DOCK1: variants seen among roughly 807,000 people sequenced by gnomAD.
The protein encoded by DOCK1 is dedicator of cytokinesis protein 1.
Under a neutral mutation model 262.7 loss-of-function variants are expected in DOCK1, and 138 were observed. That is an observed-to-expected ratio of 0.53 (90% CI 0.46 to 0.61). The LOEUF is 0.61. DOCK1 is among the 20% of genes least tolerant of loss of function. The probability of loss-of-function intolerance (pLI) is 0.00; values close to 1 mark genes in which losing one functional copy is unlikely to be tolerated. For synonymous variants in DOCK1, 866 were observed against 867.4 expected, an observed-to-expected ratio of 1.00 and a Z score of 0.03; for missense variants, 1,908 against 2,370.7, an observed-to-expected ratio of 0.80 and a Z score of 4.05.
At chr10:127,435,434 C>T (rs996921525) in intron 48 of DOCK1, among the ~76,000 whole-genome samples, 61 of 152,262 alleles carry the variant, frequency 4.0e-4, no homozygotes, top group Middle Eastern at 3.4e-3. Context: ...AAACTATCCC[C>T]ATATTTTTTC....
rs1411426230 is a variant in DOCK1, at chr10:127,112,240, G to A, written c.2623+1886G>A. Among the ~76,000 whole-genome samples the A allele has an allele frequency of 2.6e-5, 4 of 152,062 alleles. No homozygotes were observed. In the East Asian group the frequency reaches 5.8e-4, roughly 22 times the overall value. ...TTGGTCAGGCTGGTCTCAAACTACC[G>A]ACCTCAAATGATCCACCCGCCTCGG... On this transcript the variant is annotated intron_variant, in intron 25 of 51. Coordinates refer to ENST00000623213, the MANE Select transcript of DOCK1 (RefSeq NM_001290223.2).
chr10:127,069,876 A>G (rs184747562), intron 23 of DOCK1, among the ~76,000 whole-genome samples: 99 of 152,318 alleles, frequency 6.5e-4, no homozygotes, highest in African/African-American at 2.2e-3. Flanking sequence ...ACAAAATACT[A>G]CAAACTTGGT....
intron 23 of DOCK1, among the ~76,000 whole-genome samples, chr10:127,072,046 G>A (rs904443580): frequency 2.6e-5 from 4 of 152,182 alleles, no homozygotes; most frequent in Admixed American, 6.5e-5. Flanking sequence ...CTTGTTCAGA[G>A]ATCTCTCTTG....
chr10:127,202,020 A>G (rs2057483400), intron 27 of DOCK1, among the ~76,000 whole-genome samples: 1 of 151,994 alleles, frequency 6.6e-6, no homozygotes, highest in Non-Finnish European at 1.5e-5. Context: ...GACACTTCTG[A>G]TCAGAACTAG....
intron 47 of DOCK1, 102 bp downstream of exon 47, chr10:127,426,113 A>G (rs1300878145): frequency 1.9e-6 from 3 of 1,550,080 alleles, no homozygotes; most frequent in Non-Finnish European, 2.6e-6. Flanking sequence ...ACATGTACAC[A>G]TGGTGCCCGC....
chr10:127,349,720 T>TC (rs779971934), intron 31 of DOCK1, among the ~76,000 whole-genome samples: 156 of 152,288 alleles, frequency 1.0e-3, no homozygotes, highest in Non-Finnish European at 1.9e-3. Context: ...TTCTGGAGGT[T>TC]CTGAGGGAGA....
intron 32 of DOCK1, among the ~76,000 whole-genome samples, chr10:127,360,084 G>A (rs1219337258): frequency 6.6e-6 from 1 of 152,198 alleles, no homozygotes; most frequent in East Asian, 1.9e-4. Flanking sequence ...GATAGGACCT[G>A]CCTCTGAGTT....
At chr10:127,418,299 T>G in intron 44 of DOCK1, 66 bp from the exon 45 acceptor site, 1 of 1,474,910 alleles carries the variant, frequency 6.8e-7, no homozygotes, top group Non-Finnish European at 9.1e-7. Context: ...ACGTGGCTCC[T>G]CTGGTGAGAC....
intron 16 of DOCK1, among the ~76,000 whole-genome samples, chr10:127,026,984 G>A (rs962236446): frequency 6.6e-6 from 1 of 152,216 alleles, no homozygotes; most frequent in African/African-American, 2.4e-5. Flanking sequence ...TAAATTAATT[G>A]TCAACTAAAG....
At position 126,912,533 on chromosome 10, in the gene DOCK1, C is replaced by T. The variant is rs111843404; in HGVS notation, c.46+6970C>T. Among the ~76,000 whole-genome samples, 238 of 150,716 alleles carry T rather than the reference C, an allele frequency of 1.6e-3. 1 individual carries two copies. Among genetic ancestry groups the T allele is most frequent in the Admixed American group, 2.0e-3 (30 of 15,106 alleles). On this transcript the variant is annotated intron_variant, in intron 1 of 51. Coordinates refer to ENST00000623213, the MANE Select transcript of DOCK1 (RefSeq NM_001290223.2). ...CGAGGTCAGTAGATCGAGACCCTCCCGGCTAACACGGTGAAACCCTGTCTC... is the reference window on the plus strand; with the variant it reads ...CGAGGTCAGTAGATCGAGACCCTCCTGGCTAACACGGTGAAACCCTGTCTC...
At chr10:127,345,452 C>T (rs1384142516) in intron 31 of DOCK1, among the ~76,000 whole-genome samples, 1 of 152,200 alleles carries the variant, frequency 6.6e-6, no homozygotes, top group Non-Finnish European at 1.5e-5. Flanking sequence ...TTCACCTGGG[C>T]TGCTTTTAGA....
intron 29 of DOCK1, among the ~76,000 whole-genome samples, chr10:127,302,886 G>A (rs1226328574): frequency 6.6e-6 from 1 of 151,994 alleles, no homozygotes; most frequent in Admixed American, 6.6e-5. Flanking sequence ...CAATGAAAAT[G>A]CAGGTGCATG....
At chr10:126,906,098 G>T (rs987120050) in intron 1 of DOCK1, among the ~76,000 whole-genome samples, 1 of 152,136 alleles carries the variant, frequency 6.6e-6, no homozygotes, top group Non-Finnish European at 1.5e-5. Flanking sequence ...GGTGGCCAGC[G>T]CCCCTTGCCC....
intron 27 of DOCK1, among the ~76,000 whole-genome samples, chr10:127,236,905 A>G (rs1167988033): frequency 6.6e-6 from 1 of 152,180 alleles, no homozygotes; most frequent in Non-Finnish European, 1.5e-5. Context: ...TTTACAGATG[A>G]GGAAAACGAG....
At chr10:127,074,297 TCAGGAACTTGCC>T (rs1240999076) in intron 23 of DOCK1, among the ~76,000 whole-genome samples, 1 of 152,198 alleles carries the variant, frequency 6.6e-6, no homozygotes, top group Non-Finnish European at 1.5e-5. Flanking sequence ...TTAGTTTTTT[TCAGGAACTTGCC>T]CAGGAACAGA....
chr10:127,316,939 G>A (rs947556998), intron 29 of DOCK1, among the ~76,000 whole-genome samples: 4 of 151,780 alleles, frequency 2.6e-5, no homozygotes, highest in African/African-American at 9.7e-5. Context: ...GAACATAAAC[G>A]TTCCCCTCAG....
intron 47 of DOCK1, among the ~76,000 whole-genome samples, chr10:127,428,955 CTGTGTGGATT>C (rs1293919659): frequency 1.4e-4 from 17 of 124,716 alleles, no homozygotes; most frequent in East Asian, 2.5e-4. Flanking sequence ...GATTGGGGTG[CTGTGTGGATT>C]CGGGTACCAT....
intron 22 of DOCK1, among the ~76,000 whole-genome samples, chr10:127,053,746 T>C (rs1019018466): frequency 3.9e-5 from 6 of 152,242 alleles, no homozygotes; most frequent in African/African-American, 1.2e-4. Flanking sequence ...ATTGTATAGA[T>C]ACAGATGCAG....
intron 48 of DOCK1, among the ~76,000 whole-genome samples, chr10:127,436,373 C>T (rs1218697683): frequency 6.6e-6 from 1 of 152,064 alleles, no homozygotes; most frequent in Non-Finnish European, 1.5e-5. Flanking sequence ...TAAAAATTAG[C>T]TGGGTGTGGT....
Sources: gnomAD v4.1 joint callset for allele counts (sites outside exome capture counted in the v4.1 genomes callset) on GRCh38, gnomAD v4.1.1 for gene constraint, MANE v1.5 for transcripts, NCBI Gene and HGNC (gene_info 2026-07-23, HGNC 2026-07-21) for gene names.